Variants in CEP128 observed in about 807,000 individuals in gnomAD.
CEP128 encodes the protein centrosomal protein 128kDa.
In CEP128, 132 loss-of-function variants were observed where a neutral mutation model predicts 156.7. The ratio of observed to expected loss-of-function variants is 0.84; its 90% CI spans 0.73 to 0.97. The LOEUF (loss-of-function observed/expected upper bound fraction) is 0.97. Ranked by LOEUF, CEP128 falls within the 50% of genes least tolerant of loss-of-function variation. The probability of loss-of-function intolerance (pLI) is 0.00; values close to 1 mark genes in which losing one functional copy is unlikely to be tolerated. For missense variants in CEP128, 1,252 were observed against 1,281.9 expected (o/e 0.98, Z 0.36); for synonymous variants, 469 against 448.9 (o/e 1.04, Z -0.57).
At chr14:80,763,625 C>T (rs1432438460) in intron 16 of CEP128, among the ~76,000 whole-genome samples, 1 of 152,012 alleles carries the variant, frequency 6.6e-6, no homozygotes, top group Non-Finnish European at 1.5e-5. Context: ...TTAGGTATAT[C>T]ATAATTTTTT....
At chr14:80,800,349 G>A (rs572158125) in intron 13 of CEP128, among the ~76,000 whole-genome samples, 30 of 152,122 alleles carry the variant, frequency 2.0e-4, no homozygotes, top group Non-Finnish European at 3.7e-4. Flanking sequence ...TTAGGAACTC[G>A]ATAAAGAGAA....
At chr14:80,812,348 A>G (rs1379444279) in intron 13 of CEP128, among the ~76,000 whole-genome samples, 1 of 152,224 alleles carries the variant, frequency 6.6e-6, no homozygotes, top group African/African-American at 2.4e-5. Context: ...TATTGTGAAT[A>G]GTGTTGCAAT....
intron 19 of CEP128, among the ~76,000 whole-genome samples, chr14:80,638,549 C>T (rs1438342476): frequency 6.6e-6 from 1 of 152,084 alleles, no homozygotes; most frequent in Non-Finnish European, 1.5e-5. Flanking sequence ...CTTTGCTGAC[C>T]CCTCATCCCT....
intron 2 of CEP128, among the ~76,000 whole-genome samples, chr14:80,946,831 G>A (rs552576903): frequency 3.3e-5 from 5 of 152,274 alleles, no homozygotes; most frequent in South Asian, 2.1e-4. Flanking sequence ...CAAATGTCAC[G>A]TGGAATTGCA....
At chr14:80,673,806 T>C (rs1315714095) in intron 19 of CEP128, among the ~76,000 whole-genome samples, 2 of 151,810 alleles carry the variant, frequency 1.3e-5, no homozygotes, top group East Asian at 3.9e-4. Context: ...CTTTTTTTTT[T>C]AGCATCAGAA....
At chr14:80,573,400 C>T (rs7140221) in intron 20 of CEP128, among the ~76,000 whole-genome samples, 86,202 of 151,874 alleles carry the variant, frequency 0.57, 24,766 homozygotes, top group East Asian at 0.72. Flanking sequence ...TGAAGTCTTG[C>T]GCTTTTCATC....
downstream of CEP128, among the ~76,000 whole-genome samples, chr14:80,495,919 A>G (rs1263536790): frequency 6.6e-6 from 1 of 152,204 alleles, no homozygotes; most frequent in Non-Finnish European, 1.5e-5. Flanking sequence ...AATACTTTAA[A>G]TATTACCATA....
At chr14:80,956,033 G>A in intron 2 of CEP128, 1 of 716,676 alleles carries the variant, frequency 1.4e-6, no homozygotes, top group East Asian at 2.7e-5. Context: ...CCACACTTGG[G>A]AAGGTATCAT....
intron 19 of CEP128, among the ~76,000 whole-genome samples, chr14:80,606,787 G>T (rs112874822): frequency 1.8e-4 from 27 of 152,154 alleles, no homozygotes; most frequent in African/African-American, 6.3e-4. Flanking sequence ...CGTGTGTGTA[G>T]AGAGCAGAAA....
intron 16 of CEP128, among the ~76,000 whole-genome samples, chr14:80,767,252 T>G (rs1900284720): frequency 6.6e-6 from 1 of 152,088 alleles, no homozygotes; most frequent in South Asian, 2.1e-4. Context: ...TAATTTAAGC[T>G]GGAAAATTAC....
chr14:80,839,147 A>G (rs1196570941), intron 10 of CEP128, among the ~76,000 whole-genome samples: 1 of 152,220 alleles, frequency 6.6e-6, no homozygotes, highest in Non-Finnish European at 1.5e-5. Context: ...AACTCCTAAC[A>G]TGCCTAGATG....
intron 19 of CEP128, among the ~76,000 whole-genome samples, chr14:80,638,936 C>A (rs1411111284): frequency 2.0e-5 from 3 of 152,042 alleles, no homozygotes; most frequent in East Asian, 1.9e-4. Context: ...AAAAAGAAGT[C>A]TTTTTCTTTC....
At chr14:80,653,500 A>G (rs1466749981) in intron 19 of CEP128, among the ~76,000 whole-genome samples, 1 of 152,158 alleles carries the variant, frequency 6.6e-6, no homozygotes, top group African/African-American at 2.4e-5. Flanking sequence ...TGGCTACACT[A>G]AACAGATTTT....
At chr14:80,702,814 C>T (rs1336005436) in intron 19 of CEP128, among the ~76,000 whole-genome samples, 4 of 152,076 alleles carry the variant, frequency 2.6e-5, no homozygotes, top group Non-Finnish European at 5.9e-5. Flanking sequence ...ATTTTGTGAA[C>T]TCTGCTATAT....
intron 21 of CEP128, 126 bp downstream of exon 21, chr14:80,559,153 C>T (rs1890562613): frequency 2.4e-6 from 2 of 826,868 alleles, no homozygotes; most frequent in African/African-American, 3.5e-5. Flanking sequence ...CTTGTTTTCC[C>T]CTTTGACATC....
intron 19 of CEP128, among the ~76,000 whole-genome samples, chr14:80,697,675 T>C (rs1377525877): frequency 6.6e-6 from 1 of 152,040 alleles, no homozygotes; most frequent in Non-Finnish European, 1.5e-5. Flanking sequence ...GATGTTACAC[T>C]GTAACATCTG....
downstream of CEP128, among the ~76,000 whole-genome samples, chr14:80,488,965 C>G (rs1483587685): frequency 7.2e-6 from 1 of 138,500 alleles, no homozygotes; most frequent in Non-Finnish European, 1.5e-5. Context: ...AGGGGAACAT[C>G]ACACTCCAGG....
chr14:80,562,079 C>T (rs1469091111), intron 20 of CEP128, among the ~76,000 whole-genome samples: 2 of 131,500 alleles, frequency 1.5e-5, no homozygotes, highest in Non-Finnish European at 3.2e-5. Context: ...AGGTGCCCGC[C>T]ACCACATCCG....
chr14:80,656,297 A>ATATATATATATATTTT (rs1895152378), intron 19 of CEP128, among the ~76,000 whole-genome samples: 1 of 5,524 alleles, frequency 1.8e-4, no homozygotes, highest in African/African-American at 1.5e-3. Flanking sequence ...ATATTTATAT[A>ATATATATATATATTTT]TATATATATA....
Sources: allele counts gnomAD v4.1 joint callset (sites outside exome capture counted in the v4.1 genomes callset), GRCh38; gene constraint gnomAD v4.1.1; transcripts MANE v1.5; gene names NCBI Gene and HGNC (gene_info 2026-07-23, HGNC 2026-07-21).